ZNF600: variants seen among roughly 807,000 people sequenced by gnomAD.
ZNF600 encodes zinc finger protein 600.
Under a neutral mutation model 7.3 loss-of-function variants are expected in ZNF600, and 4 were observed. The ratio of observed to expected loss-of-function variants is 0.55; its 90% CI spans 0.27 to 1.25. ZNF600 has a LOEUF of 1.25. ZNF600 is among the 50% of genes most tolerant of loss of function. ZNF600 has a pLI of 0.12. For synonymous variants in ZNF600, 290 were observed against 308.9 expected (o/e 0.94, Z 0.64); for missense variants, 911 against 922.1 (o/e 0.99, Z 0.16).
At chr19:52,784,472 C>T (rs760439327) in intron 1 of ZNF600, among the ~76,000 whole-genome samples, 2 of 152,012 alleles carry the variant, frequency 1.3e-5, no homozygotes, top group Non-Finnish European at 2.9e-5. Flanking sequence ...TTTTCCCCCA[C>T]ATCACTGTCC....
In ZNF600 at chr19:52,766,601, AGATTTCTCTCCAC is replaced by A; in HGVS notation, c.1349_1361del (p.Gly450ValfsTer18). ...CCTTGTCACAGACCTTACATTTGTA[AGATTTCTCTCCAC>A]CATGAAGTCTATGATGGCATACAAG... On this transcript the variant is annotated frameshift_variant, in exon 4 of 4. Transcript: ENST00000648973. LOFTEE classifies it low-confidence loss of function (END_TRUNC). 1 of 1,614,122 alleles carries A rather than the reference AGATTTCTCTCCAC, an allele frequency of 6.2e-7. No homozygotes were observed. The highest frequency in any genetic ancestry group is 8.5e-7 in the Non-Finnish European group (1 of 1,180,034).
chr19:52,815,718 G>A, the ZNF600 span, among the ~76,000 whole-genome samples: 7 of 145,584 alleles, frequency 4.8e-5, 2 homozygotes, highest in African/African-American at 8.1e-5. Context: ...CCAGCTACTC[G>A]GGAGGCTGAG....
the ZNF600 span, chr19:52,809,936 G>T: frequency 2.3e-6 from 2 of 857,860 alleles, no homozygotes; most frequent in Non-Finnish European, 3.9e-6. Context: ...AGGCCGGGGA[G>T]GTTGCCCCGG....
chr19:52,778,915 T>TG lies in ZNF600; in HGVS notation c.-19-9dup, dbSNP rs2062698142. Reference sequence around the variant, plus strand: ...AGTCTTTAGGAATCAATCCTGTATGTGAAAAAAAATGAGACTTCTTGTTAG... The same window carrying TG: ...AGTCTTTAGGAATCAATCCTGTATGTGGAAAAAAAATGAGACTTCTTGTTAG... On this transcript the variant is annotated splice_polypyrimidine_tract_variant and intron_variant, in intron 1 of 3. Transcript: ENST00000648973. 2 of 1,581,286 alleles carry TG rather than the reference T, an allele frequency of 1.3e-6. No individual in the cohort carries two copies. The highest frequency in any genetic ancestry group is 1.7e-6 in the Non-Finnish European group (2 of 1,169,650).
At chr19:52,794,948 A>C in the ZNF600 span, among the ~76,000 whole-genome samples, 1 of 152,234 alleles carries the variant, frequency 6.6e-6, no homozygotes, top group African/African-American at 2.4e-5. Flanking sequence ...CATGAATCCT[A>C]AACATAATTA....
At chr19:52,787,401 CTTTTTT>C (rs1167453014), upstream of ZNF600, among the ~76,000 whole-genome samples, 314 of 114,826 alleles carry the variant, frequency 2.7e-3, 1 homozygote, top group African/African-American at 9.0e-3. Context: ...CGCTCTTTTA[CTTTTTT>C]TTTTTTTTTT....
chr19:52,788,032 G>A (rs1313495616), upstream of ZNF600, among the ~76,000 whole-genome samples: 5 of 152,038 alleles, frequency 3.3e-5, no homozygotes, highest in Admixed American at 1.3e-4. Context: ...TCCAGATGTG[G>A]CCCCTGAACA....
the ZNF600 span, among the ~76,000 whole-genome samples, chr19:52,803,287 G>A: frequency 1.0e-2 from 1,511 of 151,778 alleles, 16 homozygotes; most frequent in Non-Finnish European, 0.017. Context: ...AAACCTGTTG[G>A]CCAGGCTGGT....
At chr19:52,801,389 G>C in the ZNF600 span, 1 of 1,614,180 alleles carries the variant, frequency 6.2e-7, no homozygotes, top group Non-Finnish European at 8.5e-7. Context: ...GCTGAAATAT[G>C]TGCAGTTCAG....
At chr19:52,783,439 G>A (rs1198557654) in intron 1 of ZNF600, among the ~76,000 whole-genome samples, 1 of 152,110 alleles carries the variant, frequency 6.6e-6, no homozygotes, top group South Asian at 2.1e-4. Context: ...TCGGCTCACT[G>A]CAAGCTCCGC....
At chr19:52,776,915 A>G (rs1427585720) in intron 2 of ZNF600, among the ~76,000 whole-genome samples, 1 of 152,088 alleles carries the variant, frequency 6.6e-6, no homozygotes, top group African/African-American at 2.4e-5. Context: ...AATCACTGTA[A>G]TCTGGGAGTC....
chr19:52,811,541 A>G, the ZNF600 span, among the ~76,000 whole-genome samples: 202 of 133,600 alleles, frequency 1.5e-3, 1 homozygote, highest in Middle Eastern at 4.5e-3. Context: ...CCTCTGCCCC[A>G]CCGCCCTGTC....
At chr19:52,820,230 G>C in the ZNF600 span, among the ~76,000 whole-genome samples, 1 of 134,814 alleles carries the variant, frequency 7.4e-6, no homozygotes, top group African/African-American at 3.1e-5. Context: ...CCATTCTCCT[G>C]CCTCAGCCTC....
At chr19:52,811,756 G>T in the ZNF600 span, among the ~76,000 whole-genome samples, 12 of 148,904 alleles carry the variant, frequency 8.1e-5, no homozygotes, top group Non-Finnish European at 1.8e-4. Context: ...GTCCGGGAGG[G>T]AGGTCGGGGG....
chr19:52,798,623 ATCC>A, the ZNF600 span: 198,004 of 448,318 alleles, frequency 0.44, 49,187 homozygotes, highest in Non-Finnish European at 0.55. Context: ...TCCTGTATGA[ATCC>A]TCCTATGTTT....
At chr19:52,789,067 G>A (rs2062785244), upstream of ZNF600, among the ~76,000 whole-genome samples, 1 of 152,174 alleles carries the variant, frequency 6.6e-6, no homozygotes, top group Non-Finnish European at 1.5e-5. Context: ...CAGAGATGGG[G>A]GTGAAGGTGG....
intron 1 of ZNF600, among the ~76,000 whole-genome samples, chr19:52,779,443 C>A (rs1262140470): frequency 1.3e-5 from 2 of 152,172 alleles, no homozygotes; most frequent in Admixed American, 6.5e-5. Context: ...TCAGAGGGGG[C>A]GAGCCCAGCA....
At chr19:52,768,547 A>C (rs138711801) in intron 3 of ZNF600, among the ~76,000 whole-genome samples, 44 of 152,160 alleles carry the variant, frequency 2.9e-4, no homozygotes, top group African/African-American at 9.6e-4. Context: ...TTTTCAAAAA[A>C]TTTTTGTATT....
the ZNF600 span, among the ~76,000 whole-genome samples, chr19:52,811,577 G>A: frequency 6.8e-6 from 1 of 147,328 alleles, no homozygotes; most frequent in African/African-American, 2.6e-5. Flanking sequence ...GCCTCTGCTG[G>A]GCCGCAACCC....
Sources: gnomAD v4.1 joint callset for allele counts (sites outside exome capture counted in the v4.1 genomes callset) on GRCh38, gnomAD v4.1.1 for gene constraint, MANE v1.5 for transcripts, NCBI Gene and HGNC (gene_info 2026-07-23, HGNC 2026-07-21) for gene names.